COPG2: variants seen among roughly 807,000 people sequenced by gnomAD.
COPG2 encodes coat protein complex I subunit gamma 2, also known as coatomer subunit gamma-2.
In COPG2, 37 loss-of-function variants were observed where a neutral mutation model predicts 46.3. The ratio of observed to expected loss-of-function variants is 0.80; its 90% CI spans 0.61 to 1.05. The LOEUF is 1.05. Ranked by LOEUF, COPG2 falls within the 50% of genes least tolerant of loss-of-function variation. The pLI is 0.00. For synonymous variants in COPG2, 159 were observed against 129.7 expected, an observed-to-expected ratio of 1.23 and a Z score of -1.53; for missense variants, 427 against 387.8, an observed-to-expected ratio of 1.10 and a Z score of -0.85.
At chr7:130,533,614 T>C (rs1225030942) in intron 20 of COPG2, among the ~76,000 whole-genome samples, 3 of 152,052 alleles carry the variant, frequency 2.0e-5, no homozygotes, top group African/African-American at 7.2e-5. Context: ...GAAGGTAGAA[T>C]GATCAGAGCT....
chr7:130,595,531 G>C (rs1164889757), intron 9 of COPG2, among the ~76,000 whole-genome samples: 1 of 152,156 alleles, frequency 6.6e-6, no homozygotes, highest in African/African-American at 2.4e-5. Context: ...AAAGTTATAA[G>C]CTGGGAAATT....
At chr7:130,637,199 T>C (rs1344996371) in intron 5 of COPG2, among the ~76,000 whole-genome samples, 5 of 152,190 alleles carry the variant, frequency 3.3e-5, no homozygotes, top group Non-Finnish European at 7.3e-5. Context: ...CAATTATGTG[T>C]TGTGGGGTTG....
intron 9 of COPG2, among the ~76,000 whole-genome samples, chr7:130,577,469 A>T (rs1404804856): frequency 6.6e-6 from 1 of 152,204 alleles, no homozygotes; most frequent in Non-Finnish European, 1.5e-5. Context: ...ACCGGCTTAA[A>T]AAACAGCCCA....
At chr7:130,647,750 A>G (rs1271806757) in intron 5 of COPG2, among the ~76,000 whole-genome samples, 2 of 139,716 alleles carry the variant, frequency 1.4e-5, no homozygotes, top group Non-Finnish European at 3.1e-5. Context: ...TTTTTTTTCG[A>G]GACGAAGTCT....
intron 9 of COPG2, among the ~76,000 whole-genome samples, chr7:130,597,215 G>A (rs1794546050): frequency 6.6e-6 from 1 of 152,170 alleles, no homozygotes; most frequent in Non-Finnish European, 1.5e-5. Flanking sequence ...AGCCCTGCTA[G>A]GGTTGCCCAC....
intron 9 of COPG2, among the ~76,000 whole-genome samples, chr7:130,577,551 G>C (rs562505470): frequency 1.2e-3 from 182 of 151,904 alleles, no homozygotes; most frequent in African/African-American, 4.3e-3. Flanking sequence ...CATGAGGTCA[G>C]GAGATCGAGA....
intron 5 of COPG2, among the ~76,000 whole-genome samples, chr7:130,635,000 G>C (rs1349299577): frequency 6.6e-6 from 1 of 151,246 alleles, no homozygotes. Flanking sequence ...CTGTTTATGT[G>C]ATGGATTACA....
intron 9 of COPG2, among the ~76,000 whole-genome samples, chr7:130,595,962 A>G (rs1447575193): frequency 6.6e-6 from 1 of 152,198 alleles, no homozygotes; most frequent in Admixed American, 6.5e-5. Flanking sequence ...TTGTTCCTAC[A>G]GCCTGACTCC....
intron 5 of COPG2, among the ~76,000 whole-genome samples, chr7:130,617,735 C>T (rs1258488017): frequency 6.6e-6 from 1 of 152,192 alleles, no homozygotes; most frequent in East Asian, 1.9e-4. Context: ...TGGTCTACAA[C>T]TCTGACTCCC....
chr7:130,530,890 T>C lies in COPG2; in HGVS notation c.2149+16784A>G, dbSNP rs1019122532. The stretch of plus-strand genomic sequence containing the variant: ...GGTCCCAGAGTAGGAACAAAGGAAT[T>C]TGGAGTGCTCAGAGCAGCCTGCAAG... On this transcript the variant is annotated intron_variant, in intron 20 of 23. Transcript: ENST00000425248. Among the ~76,000 whole-genome samples, 17 of 151,362 alleles carry C rather than the reference T, an allele frequency of 1.1e-4. No homozygotes were observed. In the South Asian group the frequency reaches 2.5e-3, roughly 22 times the overall value.
chr7:130,554,014 C>T (rs1223541960), intron 14 of COPG2, among the ~76,000 whole-genome samples: 1 of 152,104 alleles, frequency 6.6e-6, no homozygotes, highest in Non-Finnish European at 1.5e-5. Context: ...ATAATGAATT[C>T]ATGCAGGCAG....
intron 9 of COPG2, among the ~76,000 whole-genome samples, chr7:130,571,810 A>T (rs925121342): frequency 1.3e-5 from 2 of 151,850 alleles, no homozygotes; most frequent in East Asian, 3.8e-4. Flanking sequence ...CCCATCAATC[A>T]ATAAGTAAAT....
chr7:130,512,010 T>C, intron 20 of COPG2: 1 of 411,280 alleles, frequency 2.4e-6, no homozygotes. Flanking sequence ...AGGTTGGGAG[T>C]TCAAGACTAG....
chr7:130,522,866 C>T (rs1186209465), intron 20 of COPG2, among the ~76,000 whole-genome samples: 3 of 151,902 alleles, frequency 2.0e-5, no homozygotes, highest in Admixed American at 6.6e-5. Flanking sequence ...CACAAGAAGG[C>T]TCCAGGCTTG....
At chr7:130,661,695 C>T (rs1350702317) in intron 4 of COPG2, among the ~76,000 whole-genome samples, 2 of 152,130 alleles carry the variant, frequency 1.3e-5, no homozygotes, top group East Asian at 1.9e-4. Context: ...AAGACAAAGC[C>T]TTGGGTAACT....
chr7:130,650,858 G>T (rs1795723285), intron 5 of COPG2, among the ~76,000 whole-genome samples: 1 of 152,156 alleles, frequency 6.6e-6, no homozygotes, highest in Non-Finnish European at 1.5e-5. Flanking sequence ...TGCAACAATG[G>T]AGAATGTCCA....
At chr7:130,647,767 G>T (rs1443155204) in intron 5 of COPG2, among the ~76,000 whole-genome samples, 1 of 149,752 alleles carries the variant, frequency 6.7e-6, no homozygotes, top group East Asian at 1.9e-4. Context: ...GTCTCACTCG[G>T]TCGCCCAGGC....
chr7:130,507,078 T>C (rs1799507127), intron 23 of COPG2, among the ~76,000 whole-genome samples, 196 bp downstream of exon 23: 1 of 152,222 alleles, frequency 6.6e-6, no homozygotes, highest in Non-Finnish European at 1.5e-5. Flanking sequence ...TGGAGAGATT[T>C]GTTTTGGGCC....
intron 4 of COPG2, among the ~76,000 whole-genome samples, chr7:130,661,039 G>A (rs1438368789): frequency 1.3e-5 from 2 of 152,162 alleles, no homozygotes; most frequent in Non-Finnish European, 2.9e-5. Context: ...GCAGGCTGTA[G>A]CTGGAGAAAA....
Sources: allele counts gnomAD v4.1 joint callset (sites outside exome capture counted in the v4.1 genomes callset), GRCh38; gene constraint gnomAD v4.1.1; transcripts MANE v1.5; gene names NCBI Gene and HGNC (gene_info 2026-07-23, HGNC 2026-07-21).